The following GUCY1B1 variants were observed in gnomAD, a reference collection of about 807,000 sequenced individuals.
The protein encoded by GUCY1B1 is guanylate cyclase soluble subunit beta-1.
A neutral mutation model predicts 71.0 loss-of-function variants in GUCY1B1; 43 were observed. That is an observed-to-expected ratio of 0.61 (90% CI 0.47 to 0.78). The LOEUF (loss-of-function observed/expected upper bound fraction) is 0.78. Ranked by LOEUF, GUCY1B1 falls within the 30% of genes least tolerant of loss-of-function variation. GUCY1B1 has a pLI of 0.00. For missense variants in GUCY1B1, 535 were observed against 754.1 expected, an observed-to-expected ratio of 0.71 and a Z score of 3.40; for synonymous variants, 266 against 259.7, an observed-to-expected ratio of 1.02 and a Z score of -0.23.
In GUCY1B1 at chr4:155,800,437, G is replaced by A. The variant is rs537373454; in HGVS notation, c.1175+363G>A. 1.2e-4 allele frequency among the ~76,000 whole-genome samples: 19 copies of A among 152,070 alleles called. 1 individual carries two copies. In the South Asian group the frequency reaches 3.7e-3, roughly 30 times the overall value. On this transcript the variant is annotated intron_variant, in intron 9 of 13. Transcript: ENST00000264424. ...TATATTGACCATCTTCAGTATGCTGGGGGCTGCCGCGTGCAGAGAGCTGCT... is the reference window on the plus strand; with the variant it reads ...TATATTGACCATCTTCAGTATGCTGAGGGCTGCCGCGTGCAGAGAGCTGCT...
chr4:155,801,303 A>G (rs1191896484), intron 9 of GUCY1B1, among the ~76,000 whole-genome samples: 1 of 152,186 alleles, frequency 6.6e-6, no homozygotes, highest in Admixed American at 6.5e-5. Context: ...CTGTGCTTCA[A>G]AAATCCTTAT....
intron 1 of GUCY1B1, 88 bp downstream of exon 1, chr4:155,759,231 G>C: frequency 7.4e-7 from 1 of 1,345,576 alleles, no homozygotes; most frequent in Non-Finnish European, 1.0e-6. Context: ...GCCGGAGCTT[G>C]GCTCGGGGGC....
chr4:155,799,944 A>G lies in GUCY1B1; in HGVS notation c.1045A>G (p.Thr349Ala). ...AAGTGACATCCCTCTGCATGATGCC[A>G]CGCGCGATCTTGTTCTTTTGGGAGA... ...YLSDIPLHDA[T>A]RDLVLLGEQF... The change falls in exon 9 of 14, where the codon ACG becomes GCG. Residue 349 changes from threonine to alanine, a missense_variant. Thr to Ala is a moderately conservative substitution (Grantham distance 58, BLOSUM62 0). Transcript: ENST00000264424. 1.2e-6 allele frequency: 2 copies of G among 1,611,792 alleles called. No homozygotes were observed. The highest frequency in any genetic ancestry group is 1.7e-6 in the Non-Finnish European group (2 of 1,177,984).
Position 155,802,546 on chromosome 4 carries a change from G to T in GUCY1B1, c.1380G>T (p.Leu460=). 2 of 1,610,142 alleles carry T rather than the reference G, an allele frequency of 1.2e-6. No homozygotes were observed. Among genetic ancestry groups the T allele is most frequent in the South Asian group, 2.2e-5 (2 of 90,248 alleles). ...ACCTCTACACCAGATTTGACACACT[G>T]ACTGATTCCCGGAAAAACCCATTTG... is the stretch of plus-strand genomic sequence containing the variant. ...LNDLYTRFDT[L]TDSRKNPFVY... The change falls in exon 10 of 14, where the codon CTG becomes CTT. Residue 460 remains leucine (L), a synonymous_variant. Transcript: ENST00000264424. The surrounding 1 kb of genome is among the most constrained non-coding windows in gnomAD (Gnocchi z 4.3).
chr4:155,803,621 T>C lies in GUCY1B1; in HGVS notation c.1414-3T>C. Reference sequence around the variant, plus strand: ...GTGAACATCTAAATATATGTACTGTTAGGTGGAGACTGTTGGTGACAAGTA... The same window carrying C: ...GTGAACATCTAAATATATGTACTGTCAGGTGGAGACTGTTGGTGACAAGTA... On this transcript the variant is annotated splice_region_variant and splice_polypyrimidine_tract_variant and intron_variant, in intron 10 of 13. Coordinates refer to ENST00000264424, the MANE Select transcript of GUCY1B1 (RefSeq NM_000857.5). The C allele has an allele frequency of 6.4e-7, 1 of 1,570,156 alleles. No homozygotes were observed. Among genetic ancestry groups the C allele is most frequent in the Non-Finnish European group, 8.6e-7 (1 of 1,158,130 alleles).
At chr4:155,773,780 C>T (rs1016582455) in intron 2 of GUCY1B1, among the ~76,000 whole-genome samples, 19 of 152,270 alleles carry the variant, frequency 1.2e-4, no homozygotes, top group South Asian at 4.2e-4. Flanking sequence ...ACCTGCTCCA[C>T]GGGTTCACGC....
At chr4:155,769,781 C>T (rs1232164019) in intron 2 of GUCY1B1, among the ~76,000 whole-genome samples, 1 of 152,020 alleles carries the variant, frequency 6.6e-6, no homozygotes, top group African/African-American at 2.4e-5. Flanking sequence ...TTGTGGTTCT[C>T]AGGGAAACCT....
Position 155,802,120 on chromosome 4 carries a change from G to T in GUCY1B1, c.1176-222G>T. On this transcript the variant is annotated intron_variant, in intron 9 of 13. Coordinates refer to ENST00000264424, the MANE Select transcript of GUCY1B1 (RefSeq NM_000857.5). This position sits in a 1 kb window ranked among gnomAD's most constrained non-coding sequence, Gnocchi z 4.3. ...ATTTGGTTTGAACTAGTTTGGGCTT[G>T]CGGATGTCTTATGTGATTAGGATGA... 1.0e-6 allele frequency: 1 copy of T among 1,000,118 alleles called. No individual in the cohort carries two copies. 62.0% of individuals were successfully genotyped at this position (1,000,118 alleles called of 1,614,324 possible). A position where few individuals can be genotyped will look rare whatever the true frequency, so the allele number is the denominator to read the frequency against.
rs1421450690 is a variant in GUCY1B1 at position 155,785,342 on chromosome 4, A to AT, written c.298-4366dup. ...CTTGTGCTGCAATGTAAGAGTTTAC[A>AT]TTTTTTCAGTGTCTTTTTTACTTTC... On this transcript the variant is annotated intron_variant, in intron 4 of 13. Transcript: ENST00000264424. The AT allele has an allele frequency of 3.1e-6, 4 of 1,278,154 alleles. No homozygotes were observed. The African/African-American group carries it at 4.5e-5, about 14-fold the overall frequency. 79.2% of individuals were successfully genotyped at this position (1,278,154 alleles called of 1,614,324 possible).
At chr4:155,791,614 C>T (rs1383914694) in intron 5 of GUCY1B1, among the ~76,000 whole-genome samples, 1 of 150,744 alleles carries the variant, frequency 6.6e-6, no homozygotes, top group East Asian at 2.0e-4. Context: ...GCCTATAATC[C>T]CAGCTACTCG....
chr4:155,772,877 T>C, intron 2 of GUCY1B1: 1 of 686,536 alleles, frequency 1.5e-6, no homozygotes, highest in East Asian at 2.7e-5. Context: ...AATTATAAGC[T>C]CTGAAGGACA....
At chr4:155,770,773 G>T (rs757013623) in intron 2 of GUCY1B1, among the ~76,000 whole-genome samples, 1 of 151,018 alleles carries the variant, frequency 6.6e-6, no homozygotes, top group Non-Finnish European at 1.5e-5. Context: ...TTGCTCCGGC[G>T]TCACTGTCCC....
intron 3 of GUCY1B1, 77 bp from the exon 4 acceptor site, chr4:155,777,447 C>CA: frequency 1.2e-6 from 1 of 807,740 alleles, no homozygotes; most frequent in East Asian, 2.5e-5. Context: ...ACTTAATAAA[C>CA]ACTTATCTTC....
intron 1 of GUCY1B1, chr4:155,759,376 C>T (rs1264661695): frequency 9.1e-6 from 5 of 552,040 alleles, no homozygotes; most frequent in African/African-American, 6.1e-5. Context: ...CGCTCCACAC[C>T]GCAGCTTCCT....
chr4:155,782,503 G>A (rs1738503324), intron 4 of GUCY1B1, among the ~76,000 whole-genome samples: 1 of 152,154 alleles, frequency 6.6e-6, no homozygotes, highest in African/African-American at 2.4e-5. Context: ...TCAGTTTAAT[G>A]TTATTTCTAC....
Position 155,794,097 on chromosome 4 carries a change from A to C in GUCY1B1, c.726+11A>C, listed in dbSNP as rs760954454. On this transcript the variant is annotated intron_variant, in intron 6 of 13. Transcript: ENST00000264424. Reference sequence around the variant, plus strand: ...AGAGTTCTCCCCCAGGTAAAATGACAGCATACTTCCTTGGGGCCTGAGACA... The same window carrying C: ...AGAGTTCTCCCCCAGGTAAAATGACCGCATACTTCCTTGGGGCCTGAGACA... 2.1e-6 allele frequency: 3 copies of C among 1,432,022 alleles called. No homozygotes were observed. Among genetic ancestry groups the C allele is most frequent in the African/African-American group, 2.8e-5 (2 of 71,376 alleles). The allele number at this position is 1,432,022 out of a possible 1,614,324, so 88.7% of individuals were successfully genotyped here. A position where few individuals can be genotyped will look rare whatever the true frequency, so the allele number is the denominator to read the frequency against.
rs78121171 is a variant in GUCY1B1 at position 155,762,916 on chromosome 4, A to G, written c.77+3056A>G. ...GATGACCTCTGATTTAGACCATAAC[A>G]AATGTGAAAAAGCAAAAGAGACCTC... On this transcript the variant is annotated intron_variant, in intron 2 of 13. Transcript: ENST00000264424. Among the ~76,000 whole-genome samples, 1,013 of 152,328 alleles carry G rather than the reference A, an allele frequency of 6.7e-3. 13 individuals are homozygous for G. The highest frequency in any genetic ancestry group is 0.023 in the African/African-American group (965 of 41,572).
chr4:155,789,042 A>C (rs1440684772), intron 4 of GUCY1B1, among the ~76,000 whole-genome samples: 1 of 152,324 alleles, frequency 6.6e-6, no homozygotes, highest in Non-Finnish European at 1.5e-5. Context: ...GGCTACAAAA[A>C]CAGAAAATAT....
At chr4:155,769,863 A>G (rs2110999831) in intron 2 of GUCY1B1, among the ~76,000 whole-genome samples, 1 of 152,224 alleles carries the variant, frequency 6.6e-6, no homozygotes, top group South Asian at 2.1e-4. Context: ...CTATTATGTA[A>G]TTATATAATT....
Sources: gnomAD v4.1 joint callset for allele counts (sites outside exome capture counted in the v4.1 genomes callset) on GRCh38, gnomAD v4.1.1 for gene constraint, Gnocchi (gnomAD v3.1) non-coding constraint, MANE v1.5 for transcripts, NCBI Gene and HGNC (gene_info 2026-07-23, HGNC 2026-07-21) for gene names.